Variants in SRRM4 observed in about 807,000 individuals in gnomAD.
SRRM4 encodes the protein serine/arginine repetitive matrix protein 4.
In SRRM4, 33 loss-of-function variants were observed where a neutral mutation model predicts 68.9. The ratio of observed to expected loss-of-function variants is 0.48; its 90% CI spans 0.36 to 0.64. The LOEUF is 0.64. Among genes scored for constraint, SRRM4 ranks in the 30% least tolerant of loss-of-function variants. The pLI is 0.00. For missense variants in SRRM4, 817 were observed against 827.1 expected (o/e 0.99, Z 0.15); for synonymous variants, 318 against 318.8 (o/e 1.00, Z 0.03).
intron 3 of SRRM4, among the ~76,000 whole-genome samples, chr12:119,115,796 T>C (rs976263950): frequency 6.6e-6 from 1 of 152,330 alleles, no homozygotes; most frequent in South Asian, 2.1e-4. Context: ...GGGACAAATG[T>C]TATGATTCCT....
intron 1 of SRRM4, among the ~76,000 whole-genome samples, chr12:119,071,670 C>G (rs1247700235): frequency 6.7e-6 from 1 of 149,506 alleles, no homozygotes; most frequent in Non-Finnish European, 1.5e-5. Flanking sequence ...TCCCCAGTCC[C>G]CAGAACTAAT....
At chr12:119,076,089 T>G (rs1483141693) in intron 1 of SRRM4, among the ~76,000 whole-genome samples, 1 of 151,990 alleles carries the variant, frequency 6.6e-6, no homozygotes, top group Non-Finnish European at 1.5e-5. Flanking sequence ...ATAATAATGA[T>G]GGTGACGATA....
intron 1 of SRRM4, among the ~76,000 whole-genome samples, chr12:119,095,141 CA>C (rs1486012293): frequency 6.6e-6 from 1 of 152,188 alleles, no homozygotes; most frequent in African/African-American, 2.4e-5. Flanking sequence ...GAACTGGATT[CA>C]CCTTGAAAAC....
chr12:119,021,023 A>G (rs75226806), intron 1 of SRRM4, among the ~76,000 whole-genome samples: 5,430 of 152,196 alleles, frequency 0.036, 364 homozygotes, highest in African/African-American at 0.12. Context: ...GGGTGACTTG[A>G]CCTGTGATTC....
intron 8 of SRRM4, among the ~76,000 whole-genome samples, chr12:119,135,937 T>G (rs1296732181): frequency 2.0e-5 from 3 of 152,178 alleles, no homozygotes; most frequent in African/African-American, 7.2e-5. Flanking sequence ...AGGATTGTTA[T>G]GAGGATAGAG....
chr12:119,075,785 G>A (rs1384382668), intron 1 of SRRM4, among the ~76,000 whole-genome samples: 2 of 54,552 alleles, frequency 3.7e-5, no homozygotes, highest in African/African-American at 7.6e-5. Context: ...GATGATGATA[G>A]CGATGATGGT....
At chr12:119,149,655 T>A (rs1219627720) in intron 9 of SRRM4, among the ~76,000 whole-genome samples, 1 of 151,990 alleles carries the variant, frequency 6.6e-6, no homozygotes, top group Non-Finnish European at 1.5e-5. Context: ...AGTTGCCAGA[T>A]GAAGAGGGAA....
Position 119,157,022 on chromosome 12 carries a change from A to C in SRRM4, c.*224A>C. 1 of 525,734 alleles carries C rather than the reference A, an allele frequency of 1.9e-6. No individual in the cohort carries two copies. 32.6% of individuals were successfully genotyped at this position (525,734 alleles called of 1,614,324 possible). A position where few individuals can be genotyped will look rare whatever the true frequency, so the allele number is the denominator to read the frequency against. On this transcript the variant is annotated 3_prime_UTR_variant, in exon 13 of 13. Coordinates refer to ENST00000267260, the MANE Select transcript of SRRM4 (RefSeq NM_194286.4). The surrounding 1 kb of genome is among the most constrained non-coding windows in gnomAD (Gnocchi z 4.1). Reference sequence around the variant, plus strand: ...CCTGGGGCCCAGCTCAGGCCTGGGCATATGGAAAGAACCATCATCTTGTGG... The same window carrying C: ...CCTGGGGCCCAGCTCAGGCCTGGGCCTATGGAAAGAACCATCATCTTGTGG...
intron 1 of SRRM4, among the ~76,000 whole-genome samples, chr12:119,069,210 A>C (rs571043638): frequency 6.6e-6 from 1 of 152,322 alleles, no homozygotes; most frequent in South Asian, 2.1e-4. Context: ...GTGGTTTAGC[A>C]TGTTACCGGG....
chr12:118,994,302 C>A (rs1953335898), intron 1 of SRRM4: 1 of 152,222 alleles, frequency 6.6e-6, no homozygotes, highest in Admixed American at 6.5e-5. Flanking sequence ...AAACTGTCCC[C>A]ACGTAGTGGT....
chr12:118,981,877 T>G lies in SRRM4; in HGVS notation c.-6T>G. 1 of 1,613,126 alleles carries G rather than the reference T, an allele frequency of 6.2e-7. No individual in the cohort carries two copies. On this transcript the variant is annotated 5_prime_UTR_variant, in exon 1 of 13. Transcript: ENST00000267260. ...CCCCGGACGCCCCGGCCCCTTTGGG[T>G]TGGCGATGGCGAGCGTTCAGCAAGG...
intron 1 of SRRM4, among the ~76,000 whole-genome samples, chr12:119,028,190 A>C (rs1953561529): frequency 6.6e-6 from 1 of 152,184 alleles, no homozygotes; most frequent in Admixed American, 6.5e-5. Context: ...ACATTTTGAG[A>C]GCCAATGCCT....
chr12:119,115,226 G>T (rs1246666080), intron 3 of SRRM4, among the ~76,000 whole-genome samples: 1 of 152,116 alleles, frequency 6.6e-6, no homozygotes, highest in East Asian at 1.9e-4. Flanking sequence ...TAATAGGTGG[G>T]TGTTGGAGGG....
chr12:119,129,840 G>GATGGATGA lies in SRRM4; in HGVS notation c.615-825_615-818dup, dbSNP rs1195828089. Among the ~76,000 whole-genome samples, 350 of 152,294 alleles carry GATGGATGA rather than the reference G, an allele frequency of 2.3e-3. 1 individual carries two copies. Among genetic ancestry groups the GATGGATGA allele is most frequent in the African/African-American group, 8.2e-3 (339 of 41,548 alleles). On this transcript the variant is annotated intron_variant, in intron 7 of 12. Transcript: ENST00000267260. The stretch of plus-strand genomic sequence containing the variant: ...GGATGGATGAATGGCTGAATGGTTA[G>GATGGATGA]ATGGATGAATGGATGAATGGTTAGT...
Position 118,981,990 on chromosome 12 carries a change from C to G in SRRM4, c.108C>G (p.Ile36Met). The G allele has an allele frequency of 6.2e-7, 1 of 1,609,908 alleles. No individual in the cohort carries two copies. The highest frequency in any genetic ancestry group is 8.5e-7 in the Non-Finnish European group (1 of 1,178,498). Residue 36 changes from isoleucine to methionine, a missense_variant, in exon 1 of 13, where the codon ATC (isoleucine) becomes ATG (methionine). By Grantham distance (10) the Ile-to-Met change is conservative. Transcript: ENST00000267260. ...CCGAGAGCATCATTGTCGCCAGTAT[C>G]ACGGCCCGCAAGCCGCTGCCAAGGT... Reference protein sequence around the residue: ...PRPESIIVASITARKPLPRTE... With the variant: ...PRPESIIVASMTARKPLPRTE...
intron 7 of SRRM4, among the ~76,000 whole-genome samples, chr12:119,127,055 G>A (rs1185854211): frequency 7.1e-6 from 1 of 140,200 alleles, no homozygotes; most frequent in East Asian, 2.1e-4. Flanking sequence ...TCTGGGGACT[G>A]TTGTGGGGTT....
chr12:119,063,547 A>C (rs974850477), intron 1 of SRRM4, among the ~76,000 whole-genome samples: 1 of 152,180 alleles, frequency 6.6e-6, no homozygotes. Flanking sequence ...CACATCAATT[A>C]CGTCCACACT....
intron 1 of SRRM4, among the ~76,000 whole-genome samples, chr12:119,064,577 C>T (rs767610843): frequency 8.5e-5 from 13 of 152,158 alleles, no homozygotes; most frequent in African/African-American, 1.7e-4. Flanking sequence ...GCTATAACTC[C>T]GCTCTTAACC....
At chr12:119,123,644 G>GA (rs933218088) in intron 6 of SRRM4, among the ~76,000 whole-genome samples, 2 of 152,042 alleles carry the variant, frequency 1.3e-5, no homozygotes, top group African/African-American at 4.8e-5. Context: ...AGGCAAGAGA[G>GA]AAAAAAGACA....
Sources: gnomAD v4.1 joint callset for allele counts (sites outside exome capture counted in the v4.1 genomes callset) on GRCh38, gnomAD v4.1.1 for gene constraint, Gnocchi (gnomAD v3.1) non-coding constraint, MANE v1.5 for transcripts, NCBI Gene and HGNC (gene_info 2026-07-23, HGNC 2026-07-21) for gene names.